The following IFFO1 variants were observed in gnomAD, a reference collection of about 807,000 sequenced individuals.
IFFO1 encodes the protein non-homologous end joining factor IFFO1.
Under a neutral mutation model 59.6 loss-of-function variants are expected in IFFO1, and 42 were observed. The observed-to-expected ratio is 0.70, with a 90% confidence interval of 0.55 to 0.91. IFFO1 has a LOEUF of 0.91. Among genes scored for constraint, IFFO1 ranks in the 40% least tolerant of loss-of-function variants. IFFO1 has a pLI of 0.00. For missense variants in IFFO1, 711 were observed against 793.2 expected, an observed-to-expected ratio of 0.90 and a Z score of 1.24; for synonymous variants, 336 against 342.8, an observed-to-expected ratio of 0.98 and a Z score of 0.22.
chr12:6,541,666 T>C lies in IFFO1; in HGVS notation c.1480-24A>G. ...AGCTGTGGTGGGGCAGGCAGGGCCA[T>C]CGGGGTTAACAGGTGGCGTTCACAG... On this transcript the variant is annotated intron_variant, in intron 8 of 9. Transcript: ENST00000619571. This position sits in a 1 kb window ranked among gnomAD's most constrained non-coding sequence, Gnocchi z 4.8. 6.2e-7 allele frequency: 1 copy of C among 1,613,384 alleles called. No individual in the cohort carries two copies. Among genetic ancestry groups the C allele is most frequent in the Non-Finnish European group, 8.5e-7 (1 of 1,179,928 alleles).
Position 6,548,598 on chromosome 12 carries a change from G to C in IFFO1, c.1263-53C>G. ...GCGGGCGGGGCCTCGTCCTGGCGGG[G>C]GACTGGGGAGCTCCGGCCTCCTGGG... On this transcript the variant is annotated intron_variant, in intron 6 of 9. Coordinates refer to ENST00000619571, the MANE Select transcript of IFFO1 (RefSeq NM_001193457.2). The surrounding 1 kb of genome is among the most constrained non-coding windows in gnomAD (Gnocchi z 6.1). 6.2e-7 allele frequency: 1 copy of C among 1,613,548 alleles called. No homozygotes were observed. The highest frequency in any genetic ancestry group is 8.5e-7 in the Non-Finnish European group (1 of 1,179,656).
chr12:6,541,667 C>T lies in IFFO1; in HGVS notation c.1480-25G>A, dbSNP rs1469243931. The T allele has an allele frequency of 4.3e-6, 7 of 1,613,164 alleles. No homozygotes were observed. The highest frequency in any genetic ancestry group is 4.0e-5 in the African/African-American group (3 of 74,928). On this transcript the variant is annotated intron_variant, in intron 8 of 9. Coordinates refer to ENST00000619571, the MANE Select transcript of IFFO1 (RefSeq NM_001193457.2). The surrounding 1 kb of genome is among the most constrained non-coding windows in gnomAD (Gnocchi z 4.8). ...GCTGTGGTGGGGCAGGCAGGGCCAT[C>T]GGGGTTAACAGGTGGCGTTCACAGC...
chr12:6,540,645 G>T, intron 9 of IFFO1, 57 bp from the exon 10 acceptor site: 1 of 1,413,486 alleles, frequency 7.1e-7, no homozygotes, highest in South Asian at 1.2e-5. Flanking sequence ...GAAGACGGAC[G>T]GCACTCCTCC....
intron 8 of IFFO1, among the ~76,000 whole-genome samples, chr12:6,542,272 G>A (rs1946752371): frequency 6.6e-6 from 1 of 152,196 alleles, no homozygotes; most frequent in Non-Finnish European, 1.5e-5. Flanking sequence ...TCTGAGACCT[G>A]TCCTGATTTC....
chr12:6,550,574 G>A, intron 3 of IFFO1, 121 bp downstream of exon 3: 1 of 687,816 alleles, frequency 1.5e-6, no homozygotes, highest in South Asian at 1.7e-5. Flanking sequence ...AAAAGGGAAG[G>A]AAAGCAAAGA....
chr12:6,551,374 G>A (rs1278682392), intron 1 of IFFO1: 1 of 1,282,630 alleles, frequency 7.8e-7, no homozygotes, highest in Non-Finnish European at 1.0e-6. Context: ...CAGACCACCA[G>A]GTCCACCCGG....
At chr12:6,540,958 G>A (rs1054128715) in intron 9 of IFFO1, among the ~76,000 whole-genome samples, 1 of 151,760 alleles carries the variant, frequency 6.6e-6, no homozygotes, top group East Asian at 1.9e-4. Context: ...GTGTGGTGGC[G>A]GGCGCCTTGG....
rs780652354 is a variant in IFFO1 at position 6,555,444 on chromosome 12, T to G, written c.586A>C (p.Ile196Leu). Residue 196 changes from isoleucine to leucine, a missense_variant, in exon 1 of 10, where the codon ATC becomes CTC. Coordinates refer to ENST00000619571, the MANE Select transcript of IFFO1 (RefSeq NM_001193457.2). This position sits in a 1 kb window ranked among gnomAD's most constrained non-coding sequence, Gnocchi z 8.6. ...SSSARFMPGT[I>L]WSFSHARRLG... is the part of the protein sequence containing the mutation. ...CGGCGGGCGTGCGAGAACGACCAGA[T>G]GGTGCCGGGCATGAAGCGGGCCGAC... 2 of 1,613,658 alleles carry G rather than the reference T, an allele frequency of 1.2e-6. No individual in the cohort carries two copies. Among genetic ancestry groups the G allele is most frequent in the South Asian group, 2.2e-5 (2 of 91,060 alleles).
Position 6,555,867 on chromosome 12 carries a change from C to T in IFFO1, c.163G>A (p.Gly55Arg), listed in dbSNP as rs372788159. Residue 55 changes from glycine to arginine, a missense_variant, in exon 1 of 10, where the codon GGG (glycine) becomes AGG (arginine). Physicochemically the swap from Gly to Arg is moderately radical, Grantham distance 125 (BLOSUM62 -2). This residue lies in a region of IFFO1 where 114 missense variants were observed against 102.4 expected (regional missense o/e 1.11). Coordinates refer to ENST00000619571, the MANE Select transcript of IFFO1 (RefSeq NM_001193457.2). The surrounding 1 kb of genome is among the most constrained non-coding windows in gnomAD (Gnocchi z 8.6). Reference sequence around the variant, plus strand: ...GCGGCAGGCGGGGCCGGGCCCGGCCCGGGCGGCGAGTAGGCAGCAGGGCCG... The same window carrying T: ...GCGGCAGGCGGGGCCGGGCCCGGCCTGGGCGGCGAGTAGGCAGCAGGGCCG... ...PAGPAAYSPPGPGPAPPAAMA... is the reference protein window; with the variant it reads ...PAGPAAYSPPRPGPAPPAAMA... The T allele has an allele frequency of 1.5e-4, 234 of 1,605,474 alleles. No individual in the cohort carries two copies. The highest frequency in any genetic ancestry group is 1.9e-4 in the Non-Finnish European group (227 of 1,177,714).
intron 1 of IFFO1, among the ~76,000 whole-genome samples, chr12:6,553,809 C>T (rs1264264153): frequency 2.6e-5 from 4 of 152,068 alleles, no homozygotes; most frequent in African/African-American, 7.2e-5. Context: ...ATGTGTTCAA[C>T]GCCACTTCTT....
chr12:6,554,933 G>C lies in IFFO1; in HGVS notation c.773+324C>G, dbSNP rs1947368619. On this transcript the variant is annotated intron_variant, in intron 1 of 9. Transcript: ENST00000619571. ...AAGTTTATATCCCTAACCTGCCCCA[G>C]GGCTGAGACCGGTAGGGCAGAGCCC... Among the ~76,000 whole-genome samples the C allele has an allele frequency of 7.9e-5, 12 of 152,318 alleles. 1 individual carries two copies. The South Asian group carries it at 2.5e-3, about 32-fold the overall frequency.
rs34135055 is a variant in IFFO1, at chr12:6,541,021, C to CAAAAA, written c.1611-438_1611-434dup. On this transcript the variant is annotated intron_variant, in intron 9 of 9. Coordinates refer to ENST00000619571, the MANE Select transcript of IFFO1 (RefSeq NM_001193457.2). The surrounding 1 kb of genome is among the most constrained non-coding windows in gnomAD (Gnocchi z 4.8). ...CTGGGAGGCGGAGGTTGTAGTGAGCCAAAAAAAAAAAAAAAAGAAATAGCT... is the reference window on the plus strand; with the variant it reads ...CTGGGAGGCGGAGGTTGTAGTGAGCCAAAAAAAAAAAAAAAAAAAAAGAAATAGCT... Among the ~76,000 whole-genome samples, 42 of 133,096 alleles carry CAAAAA rather than the reference C, an allele frequency of 3.2e-4. No homozygotes were observed. Among genetic ancestry groups the CAAAAA allele is most frequent in the African/African-American group, 1.1e-3 (41 of 35,956 alleles). The allele number at this position is 133,096 out of a possible 152,430, so 87.3% of individuals were successfully genotyped here.
In IFFO1 at chr12:6,548,965, AAAGTCACAGTTAC is replaced by A; in HGVS notation, c.1081-129_1081-117del. 1 of 842,230 alleles carries A rather than the reference AAAGTCACAGTTAC, an allele frequency of 1.2e-6. No homozygotes were observed. Among genetic ancestry groups the A allele is most frequent in the Non-Finnish European group, 1.8e-6 (1 of 543,290 alleles). The allele number at this position is 842,230 out of a possible 1,614,324, so 52.2% of individuals were successfully genotyped here. On this transcript the variant is annotated intron_variant, in intron 5 of 9. Coordinates refer to ENST00000619571, the MANE Select transcript of IFFO1 (RefSeq NM_001193457.2). This position sits in a 1 kb window ranked among gnomAD's most constrained non-coding sequence, Gnocchi z 6.1. ...TAGGAAGGGGGGGCAGACAGAGAGA[AAAGTCACAGTTAC>A]AATGACAGGAACAGAAACACGGACA...
At chr12:6,542,400 C>G (rs1191501335) in intron 8 of IFFO1, among the ~76,000 whole-genome samples, 1 of 152,218 alleles carries the variant, frequency 6.6e-6, no homozygotes, top group Non-Finnish European at 1.5e-5. Context: ...CCAGGCAGCA[C>G]AAACTCAGTG....
intron 1 of IFFO1, among the ~76,000 whole-genome samples, chr12:6,553,377 G>A (rs1360273692): frequency 6.6e-6 from 1 of 152,186 alleles, no homozygotes; most frequent in African/African-American, 2.4e-5. Context: ...TGTGGTTATG[G>A]ATGTATTCCA....
At position 6,555,471 on chromosome 12, in the gene IFFO1, A is replaced by C. The variant is rs1378859752; in HGVS notation, c.559T>G (p.Ser187Ala). The change falls in exon 1 of 10, where the codon TCG (serine) becomes GCG (alanine). Residue 187 changes from serine to alanine, a missense_variant. Physicochemically the swap from Ser to Ala is moderately conservative, Grantham distance 99. Transcript: ENST00000619571. The surrounding 1 kb of genome is among the most constrained non-coding windows in gnomAD (Gnocchi z 8.6). The part of the protein sequence containing the change: ...SSTSTSTTYS[S>A]SARFMPGTIW... ...GTGCCGGGCATGAAGCGGGCCGACG[A>C]GGAATAGGTGGTGGAGGTGGAGGTG... 1.2e-6 allele frequency: 2 copies of C among 1,612,404 alleles called. No homozygotes were observed. Among genetic ancestry groups the C allele is most frequent in the Non-Finnish European group, 1.7e-6 (2 of 1,179,362 alleles).
rs144019095 is a variant in IFFO1 at position 6,540,540 on chromosome 12, C to A, written c.1659G>T (p.Pro553=). 2.5e-6 allele frequency: 4 copies of A among 1,605,614 alleles called. No homozygotes were observed. The Admixed American group carries it at 5.0e-5, about 20-fold the overall frequency. ...GATCGGAGTCCTCAGCCTCGCTTGGCGGCGGCGGCGGGTCGCTAAGCGGGA... is the reference window on the plus strand; with the variant it reads ...GATCGGAGTCCTCAGCCTCGCTTGGAGGCGGCGGCGGGTCGCTAAGCGGGA... ...TAVPLSDPPP[P]PSEAEDSDRD... The change falls in exon 10 of 10, where the codon CCG becomes CCT. Residue 553 remains proline, a synonymous_variant. Coordinates refer to ENST00000619571, the MANE Select transcript of IFFO1 (RefSeq NM_001193457.2).
chr12:6,545,538 T>A, intron 8 of IFFO1, among the ~76,000 whole-genome samples: 1 of 151,202 alleles, frequency 6.6e-6, no homozygotes, highest in East Asian at 2.0e-4. Flanking sequence ...TACTAAAAAA[T>A]ACAAAAGAAA....
intron 1 of IFFO1, chr12:6,551,680 C>T: frequency 2.6e-6 from 1 of 391,596 alleles, no homozygotes; most frequent in South Asian, 1.9e-5. Context: ...CAGCAGTGGA[C>T]ACACGAGCCT....
Sources: allele counts gnomAD v4.1 joint callset (sites outside exome capture counted in the v4.1 genomes callset), GRCh38; gene constraint gnomAD v4.1.1; regional missense constraint gnomAD v4.1.1; non-coding constraint Gnocchi (gnomAD v3.1); transcripts MANE v1.5; gene names NCBI Gene and HGNC (gene_info 2026-07-23, HGNC 2026-07-21).